Variants in PDXDC1 observed in about 807,000 individuals in gnomAD.
The protein encoded by PDXDC1 is pyridoxal dependent decarboxylase domain containing 1.
Under a neutral mutation model 100.1 loss-of-function variants are expected in PDXDC1, and 42 were observed. The observed-to-expected ratio is 0.42, with a 90% CI of 0.33 to 0.54. The LOEUF (loss-of-function observed/expected upper bound fraction) is 0.54, where lower values mean the gene tolerates loss of function less well. Among genes scored for constraint, PDXDC1 ranks in the 20% least tolerant of loss-of-function variants. The pLI is 0.10. For missense variants in PDXDC1, 636 were observed against 979.2 expected (o/e 0.65, Z 4.68); for synonymous variants, 260 against 371.7 (o/e 0.70, Z 3.46).
intron 6 of PDXDC1, among the ~76,000 whole-genome samples, 189 bp downstream of exon 6, chr16:15,006,772 G>T (rs376502062): frequency 2.4e-4 from 36 of 152,398 alleles, no homozygotes; most frequent in African/African-American, 7.7e-4. Flanking sequence ...TTACCCAGGG[G>T]CATCCACAGT....
intron 8 of PDXDC1, among the ~76,000 whole-genome samples, chr16:15,011,535 T>C (rs1182610214): frequency 6.6e-5 from 10 of 152,264 alleles, no homozygotes; most frequent in African/African-American, 2.4e-4. Context: ...AATTGTACTT[T>C]ATCAAAAATT....
At chr16:15,104,829 G>A (rs1265251310) in intron 16 of PDXDC1, 3 of 1,516,344 alleles carry the variant, frequency 2.0e-6, no homozygotes, top group Non-Finnish European at 2.6e-6. Flanking sequence ...CACCAACACA[G>A]TCTGCACCTT....
intron 3 of PDXDC1, 110 bp downstream of exon 3, chr16:14,998,515 G>A (rs1597388871): frequency 8.3e-7 from 1 of 1,203,316 alleles, no homozygotes; most frequent in Admixed American, 2.4e-5. Context: ...CACAATCTGG[G>A]CTCGCTGCAA....
chr16:15,008,166 C>T (rs2040945572), intron 6 of PDXDC1, among the ~76,000 whole-genome samples: 1 of 152,276 alleles, frequency 6.6e-6, no homozygotes, highest in African/African-American at 2.4e-5. Context: ...TCTCTGAATG[C>T]TACCAAGTCT....
In PDXDC1 at chr16:15,127,362, G is replaced by A. The variant is rs746436455; in HGVS notation, c.1400-11517G>A. Reference sequence around the variant, plus strand: ...GTTGACCCTTCCCGAGCAGCCTTTGGTGGACGCCTTTCCCTCTGGCTGCAG... The same window carrying A: ...GTTGACCCTTCCCGAGCAGCCTTTGATGGACGCCTTTCCCTCTGGCTGCAG... On this transcript the variant is annotated intron_variant, in intron 16 of 16. Coordinates refer to the PDXDC1 transcript ENST00000535621. 6.6e-5 allele frequency: 52 copies of A among 782,888 alleles called. No homozygotes were observed. The African/African-American group carries it at 7.9e-4, about 12-fold the overall frequency. The allele number at this position is 782,888 out of a possible 1,614,324, so 48.5% of individuals were successfully genotyped here. A position where few individuals can be genotyped will look rare whatever the true frequency, so the allele number is the denominator to read the frequency against.
chr16:15,061,646 T>G, intron 16 of PDXDC1: 2 of 1,198,438 alleles, frequency 1.7e-6, no homozygotes, highest in Non-Finnish European at 2.4e-6. Flanking sequence ...TCGCTCTAGT[T>G]CAATGCCATC....
rs1285414918 is a variant in PDXDC1 at position 15,018,459 on chromosome 16, T to TA, written c.964-381_964-380insA. Among the ~76,000 whole-genome samples, 4 of 152,412 alleles carry TA rather than the reference T, an allele frequency of 2.6e-5. No individual in the cohort carries two copies. In the South Asian group the frequency reaches 8.3e-4, roughly 32 times the overall value. On this transcript the variant is annotated intron_variant, in intron 11 of 22. Coordinates refer to ENST00000396410, the MANE Select transcript of PDXDC1 (RefSeq NM_015027.4). ...TGGTTCTTGATAATATAGGTCAGCG[T>TA]GCAAAATAAGGTTTAAGTGATTTCT...
At chr16:14,975,782 T>G in intron 1 of PDXDC1, 1 of 726,402 alleles carries the variant, frequency 1.4e-6, no homozygotes, top group South Asian at 7.1e-5. Flanking sequence ...GACCGGGAAC[T>G]GCGTGTTTAA....
chr16:15,044,540 C>T (rs1251234023), intron 16 of PDXDC1: 2 of 677,226 alleles, frequency 3.0e-6, no homozygotes, highest in Non-Finnish European at 5.2e-6. Context: ...CTTCGTGCCA[C>T]CGCAAAAGAA....
intron 16 of PDXDC1, among the ~76,000 whole-genome samples, chr16:15,048,355 T>C (rs891105896): frequency 7.2e-5 from 11 of 152,176 alleles, no homozygotes; most frequent in Non-Finnish European, 1.3e-4. Context: ...TGAAATGAGA[T>C]GCAAAAATCC....
In PDXDC1 at chr16:15,135,231, G is replaced by T. The variant is rs1042817205; in HGVS notation, c.1400-3648G>T. 5 of 784,076 alleles carry T rather than the reference G, an allele frequency of 6.4e-6. No homozygotes were observed. The African/African-American group carries it at 8.0e-5, about 13-fold the overall frequency. 48.6% of individuals were successfully genotyped at this position (784,076 alleles called of 1,614,324 possible). A position where few individuals can be genotyped will look rare whatever the true frequency, so the allele number is the denominator to read the frequency against. Reference sequence around the variant, plus strand: ...AACACGGAAAACAGTAGATGAGCAGGGAGGTTGGGCTGTCCAAGGCAAGTG... The same window carrying T: ...AACACGGAAAACAGTAGATGAGCAGTGAGGTTGGGCTGTCCAAGGCAAGTG... On this transcript the variant is annotated intron_variant, in intron 16 of 16. Transcript: ENST00000535621.
At chr16:15,143,024 G>A (rs901506769), downstream of PDXDC1, among the ~76,000 whole-genome samples, 3 of 152,264 alleles carry the variant, frequency 2.0e-5, 1 homozygote, top group African/African-American at 7.2e-5. Context: ...CAGCCTGATG[G>A]GTGCCCGAGG....
chr16:15,133,500 C>T (rs1331082164), intron 16 of PDXDC1: 28 of 860,402 alleles, frequency 3.3e-5, no homozygotes, highest in African/African-American at 1.4e-4. Flanking sequence ...CTGTTGAGGG[C>T]GACCACAGCG....
At chr16:15,095,781 C>T (rs1260074243) in intron 16 of PDXDC1, among the ~76,000 whole-genome samples, 2 of 150,556 alleles carry the variant, frequency 1.3e-5, no homozygotes, top group East Asian at 4.0e-4. Context: ...ACCCAGGAGG[C>T]AGAGGTTGCA....
intron 11 of PDXDC1, among the ~76,000 whole-genome samples, chr16:15,018,250 C>T (rs1330616404): frequency 1.3e-5 from 2 of 152,190 alleles, no homozygotes; most frequent in African/African-American, 4.8e-5. Context: ...GAAAAAACAA[C>T]AACAAAGAAT....
At chr16:15,114,926 AATTTTT>A (rs1215258435) in intron 16 of PDXDC1, among the ~76,000 whole-genome samples, 3 of 94,806 alleles carry the variant, frequency 3.2e-5, no homozygotes, top group Non-Finnish European at 7.0e-5. Flanking sequence ...AAAAAAAAAA[AATTTTT>A]TTTTTTTTTT....
Position 15,127,365 on chromosome 16 carries a change from G to T in PDXDC1, c.1400-11514G>T, listed in dbSNP as rs1171420923. On this transcript the variant is annotated intron_variant, in intron 16 of 16. Transcript: ENST00000535621. Reference sequence around the variant, plus strand: ...GACCCTTCCCGAGCAGCCTTTGGTGGACGCCTTTCCCTCTGGCTGCAGCAC... The same window carrying T: ...GACCCTTCCCGAGCAGCCTTTGGTGTACGCCTTTCCCTCTGGCTGCAGCAC... 7.5e-6 allele frequency: 6 copies of T among 803,526 alleles called. No individual in the cohort carries two copies. The East Asian group carries it at 1.6e-4, about 22-fold the overall frequency. 49.8% of individuals were successfully genotyped at this position (803,526 alleles called of 1,614,324 possible). A position where few individuals can be genotyped will look rare whatever the true frequency, so the allele number is the denominator to read the frequency against.
At chr16:15,142,454 C>A (rs952957247), downstream of PDXDC1, among the ~76,000 whole-genome samples, 1 of 152,014 alleles carries the variant, frequency 6.6e-6, no homozygotes, top group African/African-American at 2.4e-5. Context: ...CTCCCAGGGC[C>A]CAGGGCAGTG....
intron 3 of PDXDC1, among the ~76,000 whole-genome samples, chr16:15,000,730 A>G (rs1364311740): frequency 2.6e-5 from 4 of 152,234 alleles, no homozygotes; most frequent in Non-Finnish European, 5.9e-5. Flanking sequence ...AGCAGATCTC[A>G]AGGTTCCCAG....
Sources: gnomAD v4.1 joint callset for allele counts (sites outside exome capture counted in the v4.1 genomes callset) on GRCh38, gnomAD v4.1.1 for gene constraint, MANE v1.5 for transcripts, NCBI Gene and HGNC (gene_info 2026-07-23, HGNC 2026-07-21) for gene names.